HECW1: variants seen among roughly 807,000 people sequenced by gnomAD.
HECW1 encodes the protein HECT, C2 and WW domain containing E3 ubiquitin protein ligase 1, also known as E3 ubiquitin-protein ligase HECW1.
A neutral mutation model predicts 182.3 loss-of-function variants in HECW1; 61 were observed. That is an observed-to-expected ratio of 0.33 (90% confidence interval 0.27 to 0.41). The LOEUF is 0.41. Ranked by LOEUF, HECW1 falls within the 10% of genes least tolerant of loss-of-function variation. The pLI is 1.00. For synonymous variants in HECW1, 859 were observed against 832.6 expected, an observed-to-expected ratio of 1.03 and a Z score of -0.55; for missense variants, 1,739 against 2,108.9, an observed-to-expected ratio of 0.82 and a Z score of 3.44.
chr7:43,186,629 A>G (rs1036063975), intron 2 of HECW1, among the ~76,000 whole-genome samples: 1 of 147,190 alleles, frequency 6.8e-6, no homozygotes, highest in African/African-American at 2.5e-5. Context: ...GGATTGCACC[A>G]CCGCACTCCA....
At chr7:43,422,008 C>T (rs2076199726) in intron 8 of HECW1, among the ~76,000 whole-genome samples, 1 of 152,168 alleles carries the variant, frequency 6.6e-6, no homozygotes, top group Admixed American at 6.5e-5. Flanking sequence ...TATCTCCCTA[C>T]AGTATGTTTA....
At position 43,507,183 on chromosome 7, in the gene HECW1, C is replaced by G. The variant is rs748692656; in HGVS notation, c.3678C>G (p.Asp1226Glu). The part of the protein sequence containing the change: ...SARAPSPYRR[D>E]FEAKLRNFYR... Reference sequence around the variant, plus strand: ...GAGCCCCTTCCCCCTACCGAAGAGACTTTGAGGCCAAGCTCCGCAATTTCT... The same window carrying G: ...GAGCCCCTTCCCCCTACCGAAGAGAGTTTGAGGCCAAGCTCCGCAATTTCT... The change falls in exon 22 of 30, where the codon GAC (aspartate) becomes GAG (glutamate). Residue 1226 changes from aspartate to glutamate, a missense_variant. Physicochemically the swap from Asp to Glu is conservative, Grantham distance 45. Around this residue, in one of 5 missense-constraint regions of HECW1, gnomAD observed 420 missense variants for 595.7 expected, o/e 0.71. Transcript: ENST00000395891. The G allele has an allele frequency of 1.9e-6, 3 of 1,613,960 alleles. No individual in the cohort carries two copies. Among genetic ancestry groups the G allele is most frequent in the Non-Finnish European group, 2.5e-6 (3 of 1,179,932 alleles).
rs1052423353 is a variant in HECW1 at position 43,169,677 on chromosome 7, CT to C, written c.-32+55293del. ...TATATTGCTTTTCTTATCTTTGTAT[CT>C]TTTTTTCTTTTCTTTTTTTTTTTTT... On this transcript the variant is annotated intron_variant, in intron 2 of 29. Transcript: ENST00000395891. Among the ~76,000 whole-genome samples the C allele has an allele frequency of 4.2e-5, 6 of 143,934 alleles. No individual in the cohort carries two copies. The South Asian group carries it at 6.6e-4, about 16-fold the overall frequency. 94.4% of individuals were successfully genotyped at this position (143,934 alleles called of 152,430 possible).
intron 2 of HECW1, among the ~76,000 whole-genome samples, chr7:43,129,865 CA>C (rs1337306670): frequency 2.6e-5 from 4 of 152,134 alleles, no homozygotes; most frequent in African/African-American, 4.8e-5. Flanking sequence ...CAAATCATCT[CA>C]AGATTACTTA....
intron 24 of HECW1, among the ~76,000 whole-genome samples, chr7:43,510,498 A>G (rs972781461): frequency 6.6e-6 from 1 of 152,258 alleles, no homozygotes; most frequent in East Asian, 1.9e-4. Flanking sequence ...CAAACATAAA[A>G]TGAGCAAGGT....
intron 8 of HECW1, among the ~76,000 whole-genome samples, chr7:43,431,329 C>A (rs546219967): frequency 6.6e-6 from 1 of 152,304 alleles, no homozygotes; most frequent in Admixed American, 6.5e-5. Flanking sequence ...CTTTGGGACA[C>A]TCAGTCATTC....
chr7:43,451,012 T>A, intron 12 of HECW1, 83 bp downstream of exon 12: 1 of 954,404 alleles, frequency 1.0e-6, no homozygotes, highest in Non-Finnish European at 1.7e-6. Flanking sequence ...TGTAAACATC[T>A]AAAGTCTTTC....
intron 6 of HECW1, among the ~76,000 whole-genome samples, chr7:43,372,245 T>A (rs1340168352): frequency 6.6e-6 from 1 of 152,164 alleles, no homozygotes; most frequent in Non-Finnish European, 1.5e-5. Context: ...AAGAAATGAG[T>A]AACAGTGACT....
rs115098387 is a variant in HECW1, at chr7:43,222,196, A to G, written c.-31-21679A>G. On this transcript the variant is annotated intron_variant, in intron 2 of 29. Transcript: ENST00000395891. ...GGTACTTAGTAAAGCTCTCCAGGAA[A>G]ACCACTGAGGTAAGCATTGCAAATC... Among the ~76,000 whole-genome samples the G allele has an allele frequency of 4.1e-3, 619 of 152,324 alleles. 3 individuals are homozygous for G. The highest frequency in any genetic ancestry group is 0.014 in the African/African-American group (593 of 41,582).
intron 3 of HECW1, among the ~76,000 whole-genome samples, chr7:43,251,533 C>A (rs1464531589): frequency 6.6e-6 from 1 of 152,180 alleles, no homozygotes; most frequent in East Asian, 1.9e-4. Context: ...CCAGGCTGGT[C>A]TCGAACTCCT....
chr7:43,468,007 C>T (rs148495100), intron 15 of HECW1, among the ~76,000 whole-genome samples: 272 of 152,152 alleles, frequency 1.8e-3, no homozygotes, highest in African/African-American at 5.9e-3. Context: ...GGCCATGCCC[C>T]AGCCCTGGGT....
chr7:43,219,443 G>A (rs765923369), intron 2 of HECW1, among the ~76,000 whole-genome samples: 9 of 151,952 alleles, frequency 5.9e-5, no homozygotes, highest in East Asian at 1.9e-4. Flanking sequence ...CTCCGATACC[G>A]AGCTAAAGAA....
At chr7:43,404,437 G>A (rs1296294538) in intron 7 of HECW1, among the ~76,000 whole-genome samples, 1 of 152,118 alleles carries the variant, frequency 6.6e-6, no homozygotes. Context: ...ATTTAATAAG[G>A]CTCATCTGGA....
chr7:43,409,052 C>T (rs1323553902), intron 8 of HECW1, among the ~76,000 whole-genome samples: 1 of 152,154 alleles, frequency 6.6e-6, no homozygotes, highest in African/African-American at 2.4e-5. Context: ...AGCTTTCAAG[C>T]ATCCTTGACA....
intron 2 of HECW1, among the ~76,000 whole-genome samples, chr7:43,174,531 C>A (rs1373000245): frequency 6.6e-6 from 1 of 152,196 alleles, no homozygotes; most frequent in East Asian, 1.9e-4. Flanking sequence ...AAGAATAATT[C>A]TCTGGACTAG....
At chr7:43,535,627 A>T (rs1233146186) in intron 24 of HECW1, among the ~76,000 whole-genome samples, 2 of 152,196 alleles carry the variant, frequency 1.3e-5, no homozygotes, top group Non-Finnish European at 2.9e-5. Flanking sequence ...AGCATTCCTA[A>T]AAAGAAATAT....
chr7:43,437,036 A>G (rs2076734477), intron 8 of HECW1, among the ~76,000 whole-genome samples: 1 of 152,128 alleles, frequency 6.6e-6, no homozygotes, highest in African/African-American at 2.4e-5. Flanking sequence ...CGGCTAACAA[A>G]TGAATACTTT....
chr7:43,421,160 G>A (rs1022486620), intron 8 of HECW1, among the ~76,000 whole-genome samples: 11 of 152,148 alleles, frequency 7.2e-5, no homozygotes, highest in Admixed American at 5.9e-4. Flanking sequence ...ATCGTTTTAC[G>A]ACAATAGTGC....
rs372676015 is a variant in HECW1 at position 43,123,274 on chromosome 7, G to A, written c.-32+8883G>A. On this transcript the variant is annotated intron_variant, in intron 2 of 29. Transcript: ENST00000395891. ...CTTCCGGAGGAGCTACTCACAGTTC[G>A]GTCATTAAACAGAACATTGCCCTTG... Among the ~76,000 whole-genome samples, 49 of 152,148 alleles carry A rather than the reference G, an allele frequency of 3.2e-4. 2 individuals carry two copies. Among genetic ancestry groups the A allele is most frequent in the Admixed American group, 1.8e-3 (27 of 15,276 alleles).
Sources: allele counts gnomAD v4.1 joint callset (sites outside exome capture counted in the v4.1 genomes callset), GRCh38; gene constraint gnomAD v4.1.1; regional missense constraint gnomAD v4.1.1; transcripts MANE v1.5; gene names NCBI Gene and HGNC (gene_info 2026-07-23, HGNC 2026-07-21).